CEP170B: variants seen among roughly 807,000 people sequenced by gnomAD.
CEP170B encodes centrosomal protein 170B.
In CEP170B, 55 loss-of-function variants were observed where a neutral mutation model predicts 120.6. That is an observed-to-expected ratio of 0.46 (90% CI 0.37 to 0.57). The LOEUF (loss-of-function observed/expected upper bound fraction) is 0.57, where lower values mean the gene tolerates loss of function less well. CEP170B is among the 20% of genes least tolerant of loss of function. The probability of loss-of-function intolerance (pLI) is 0.00; values close to 1 mark genes in which losing one functional copy is unlikely to be tolerated. For synonymous variants in CEP170B, 1,033 were observed against 954.5 expected (o/e 1.08, Z -1.52); for missense variants, 2,212 against 2,253.3 (o/e 0.98, Z 0.37).
chr14:104,878,843 C>G (rs973585560), intron 5 of CEP170B, among the ~76,000 whole-genome samples: 1 of 152,194 alleles, frequency 6.6e-6, no homozygotes, highest in Non-Finnish European at 1.5e-5. Context: ...CCTGGGCTTT[C>G]GGAGCTGCAT....
rs1897011293 is a variant in CEP170B, at chr14:104,894,881, C to T, written c.4588C>T (p.Pro1530Ser). ...LLPALPLRNF[P>S]QRASCGPPSL... ...GCCAGCCCTGCCCCTGAGGAATTTC[C>T]CACAGCGGGCCAGCTGTGGGCCTCC... Residue 1530 changes from proline (P) to serine (S), a missense_variant, in exon 19 of 19, where the codon CCA becomes TCA. Pro to Ser is a moderately conservative substitution (Grantham distance 74). Coordinates refer to ENST00000414716, the MANE Select transcript of CEP170B (RefSeq NM_001112726.3). 2 of 1,604,380 alleles carry T rather than the reference C, an allele frequency of 1.2e-6. No individual in the cohort carries two copies. The highest frequency in any genetic ancestry group is 1.7e-6 in the Non-Finnish European group (2 of 1,176,234).
In CEP170B at chr14:104,886,990, G is replaced by A. The variant is rs767495409; in HGVS notation, c.2751G>A (p.Thr917=). 84 of 1,609,296 alleles carry A rather than the reference G, an allele frequency of 5.2e-5. No individual in the cohort carries two copies. The highest frequency in any genetic ancestry group is 6.9e-5 in the Non-Finnish European group (81 of 1,179,836). The change falls in exon 12 of 19, where the codon ACG becomes ACA. Residue 917 remains threonine, a synonymous_variant. Coordinates refer to ENST00000414716, the MANE Select transcript of CEP170B (RefSeq NM_001112726.3). ...SQDTHLILKE[T]ETALAALEAR... is the part of the protein sequence containing the mutation. The stretch of plus-strand genomic sequence containing the variant: ...ACACCCACCTGATCTTGAAGGAGAC[G>A]GAGACGGCCCTGGCGGCCCTGGAGG...
intron 9 of CEP170B, among the ~76,000 whole-genome samples, chr14:104,885,041 G>C (rs1470578785): frequency 6.8e-6 from 1 of 146,560 alleles, no homozygotes; most frequent in Non-Finnish European, 1.5e-5. Flanking sequence ...GAGAGTACTC[G>C]TGGGGAACGG....
At chr14:104,872,172 T>C in intron 2 of CEP170B, among the ~76,000 whole-genome samples, 1 of 146,706 alleles carries the variant, frequency 6.8e-6, no homozygotes. Context: ...GCCGCGTGTG[T>C]GTGCGTGTGT....
At position 104,877,871 on chromosome 14, in the gene CEP170B, C is replaced by G; in HGVS notation, c.196-14C>G. 1 of 666,316 alleles carries G rather than the reference C, an allele frequency of 1.5e-6. No individual in the cohort carries two copies. Among genetic ancestry groups the G allele is most frequent in the Middle Eastern group, 3.9e-4 (1 of 2,562 alleles). 41.3% of individuals were successfully genotyped at this position (666,316 alleles called of 1,614,324 possible). Reference sequence around the variant, plus strand: ...GCAGCTCCCCCCCCCCCCCCGCCACCTGTTTTCCTGCAGACGTTTGTGAAT... The same window carrying G: ...GCAGCTCCCCCCCCCCCCCCGCCACGTGTTTTCCTGCAGACGTTTGTGAAT... On this transcript the variant is annotated splice_polypyrimidine_tract_variant and intron_variant, in intron 3 of 18. Transcript: ENST00000414716.
In CEP170B at chr14:104,886,286, G is replaced by C; in HGVS notation, c.2047G>C (p.Gly683Arg). The C allele has an allele frequency of 6.5e-7, 1 of 1,540,550 alleles. No homozygotes were observed. The highest frequency in any genetic ancestry group is 1.2e-5 in the South Asian group (1 of 81,496). The change falls in exon 12 of 19, where the codon GGA (glycine) becomes CGA (arginine). Residue 683 changes from glycine (G) to arginine (R), a missense_variant. Around this residue, in one of 2 missense-constraint regions of CEP170B, gnomAD observed 2,166 missense variants for 2,166.7 expected, o/e 1.00. Coordinates refer to ENST00000414716, the MANE Select transcript of CEP170B (RefSeq NM_001112726.3). ...TTTGTGCTCCACAGAGGATGGCCTGGGACGTAGAGGCGGGGAGCCGGAGGG... is the reference window on the plus strand; with the variant it reads ...TTTGTGCTCCACAGAGGATGGCCTGCGACGTAGAGGCGGGGAGCCGGAGGG... Reference protein sequence around the residue: ...SDPGLTEDGLGRRGGEPEGSL... With the variant: ...SDPGLTEDGLRRRGGEPEGSL...
At chr14:104,894,090 A>G in intron 16 of CEP170B, 195 bp from the exon 17 acceptor site, 2 of 652,346 alleles carry the variant, frequency 3.1e-6, no homozygotes, top group Non-Finnish European at 5.4e-6. Flanking sequence ...TCCCGGGCCC[A>G]GCCCTCCCCA....
At chr14:104,893,240 C>A in intron 14 of CEP170B, 105 bp downstream of exon 14, 1 of 1,312,444 alleles carries the variant, frequency 7.6e-7, no homozygotes, top group Non-Finnish European at 1.0e-6. Context: ...CCCTGCTGCA[C>A]ATCCCCACTT....
chr14:104,866,136 C>A (rs1308115263), intron 1 of CEP170B, among the ~76,000 whole-genome samples: 1 of 152,232 alleles, frequency 6.6e-6, no homozygotes, highest in African/African-American at 2.4e-5. Flanking sequence ...CAACGATGGC[C>A]AGCCCAGCCC....
In CEP170B at chr14:104,868,475, G is replaced by T; in HGVS notation, c.25G>T (p.Val9Leu). The change falls in exon 2 of 19, where the codon GTG (valine) becomes TTG (leucine). Residue 9 changes from valine (V) to leucine (L), a missense_variant. By Grantham distance (32) the Val-to-Leu change is conservative (BLOSUM62 1). Around this residue, in one of 2 missense-constraint regions of CEP170B, gnomAD observed 46 missense variants for 86.6 expected, o/e 0.53. Coordinates refer to ENST00000414716, the MANE Select transcript of CEP170B (RefSeq NM_001112726.3). This position sits in a 1 kb window ranked among gnomAD's most constrained non-coding sequence, Gnocchi z 5.9. ...GATGAGTGCCACGTCCTGGTTCCTG[G>T]TGAGCAGCAGCGGCGCCCGCCACCG... MSATSWFL[V>L]SSSGARHRLP... 2 of 1,549,212 alleles carry T rather than the reference G, an allele frequency of 1.3e-6. No individual in the cohort carries two copies. The highest frequency in any genetic ancestry group is 1.7e-6 in the Non-Finnish European group (2 of 1,146,920).
rs1037958596 is a variant in CEP170B at position 104,896,434 on chromosome 14, G to GC, written c.*1477dup. 44 of 386,312 alleles carry GC rather than the reference G, an allele frequency of 1.1e-4. No individual in the cohort carries two copies. The highest frequency in any genetic ancestry group is 6.3e-4 in the African/African-American group (30 of 47,520). 23.9% of individuals were successfully genotyped at this position (386,312 alleles called of 1,614,324 possible). On this transcript the variant is annotated 3_prime_UTR_variant, in exon 19 of 19. Transcript: ENST00000414716. ...GTCCACCGGGCTGCTGCCCACCCCT[G>GC]CATGCCCCAGTTGCCCACCCCGCCT...
At position 104,886,617 on chromosome 14, in the gene CEP170B, C is replaced by T. The variant is rs1896526258; in HGVS notation, c.2378C>T (p.Thr793Ile). ...TCACCAAGGGCCCCCGGGGAGCCAA[C>T]TCCCGCCTCTTTCTTCATTGGGGAC... ...RRSPRAPGEP[T>I]PASFFIGDQN... Residue 793 changes from threonine (T) to isoleucine (I), a missense_variant, in exon 12 of 19, where the codon ACT becomes ATT. Thr to Ile is a moderately conservative substitution (Grantham distance 89, BLOSUM62 -1). Coordinates refer to ENST00000414716, the MANE Select transcript of CEP170B (RefSeq NM_001112726.3). 6.6e-7 allele frequency: 1 copy of T among 1,521,928 alleles called. No individual in the cohort carries two copies. Among genetic ancestry groups the T allele is most frequent in the Non-Finnish European group, 8.8e-7 (1 of 1,137,718 alleles). 94.3% of individuals were successfully genotyped at this position (1,521,928 alleles called of 1,614,324 possible). A position where few individuals can be genotyped will look rare whatever the true frequency, so the allele number is the denominator to read the frequency against.
rs1039239308 is a variant in CEP170B at position 104,895,381 on chromosome 14, C to T, written c.*423C>T. ...ACCTGCCATAACCCTTTGTGCTGGC[C>T]TGCGGCCAGGCAGAGGAAGAGAGGT... is the stretch of plus-strand genomic sequence containing the variant. On this transcript the variant is annotated 3_prime_UTR_variant, in exon 19 of 19. Coordinates refer to ENST00000414716, the MANE Select transcript of CEP170B (RefSeq NM_001112726.3). 4 of 163,150 alleles carry T rather than the reference C, an allele frequency of 2.5e-5. No individual in the cohort carries two copies. Among genetic ancestry groups the T allele is most frequent in the African/African-American group, 4.8e-5 (2 of 41,938 alleles). 10.1% of individuals were successfully genotyped at this position (163,150 alleles called of 1,614,324 possible). A position where few individuals can be genotyped will look rare whatever the true frequency, so the allele number is the denominator to read the frequency against.
Position 104,886,903 on chromosome 14 carries a change from C to T in CEP170B, c.2664C>T (p.Ser888=). 6.2e-7 allele frequency: 1 copy of T among 1,610,294 alleles called. No homozygotes were observed. ...PAPGKPPHIS[S]HPLLQDLAAT... ...CCGGCAAGCCCCCCCACATCTCCAG[C>T]CACCCGCTTCTACAGGACCTGGCCG... The change falls in exon 12 of 19, where the codon AGC becomes AGT. Residue 888 remains serine, a synonymous_variant. Transcript: ENST00000414716.
chr14:104,883,055 C>A lies in CEP170B; in HGVS notation c.598C>A (p.Gln200Lys), dbSNP rs758034589. ...ACCAGAGCGCCCCAAGGGACCAGTG[C>A]AGCAGGACGGGGAGCTCCACGGCTT... Reference protein sequence around the residue: ...PYPERPKGPVQQDGELHGFRA... With the variant: ...PYPERPKGPVKQDGELHGFRA... The change falls in exon 8 of 19, where the codon CAG (glutamine) becomes AAG (lysine). Residue 200 changes from glutamine to lysine, a missense_variant. By Grantham distance (53) the Gln-to-Lys change is moderately conservative. Coordinates refer to ENST00000414716, the MANE Select transcript of CEP170B (RefSeq NM_001112726.3). The A allele has an allele frequency of 3.8e-5, 59 of 1,540,204 alleles. No homozygotes were observed. Among genetic ancestry groups the A allele is most frequent in the Non-Finnish European group, 4.9e-5 (56 of 1,145,912 alleles).
intron 13 of CEP170B, among the ~76,000 whole-genome samples, chr14:104,890,517 G>C (rs1223811240): frequency 7.0e-6 from 1 of 142,426 alleles, no homozygotes; most frequent in South Asian, 2.5e-4. Context: ...TGAGTGGGTG[G>C]GTAGATGGAT....
chr14:104,876,490 G>A, intron 3 of CEP170B, 145 bp downstream of exon 3: 2 of 664,198 alleles, frequency 3.0e-6, no homozygotes, highest in Non-Finnish European at 2.5e-6. Flanking sequence ...TCCTCCCCCA[G>A]CCATAGCCCC....
rs374193987 is a variant in CEP170B at position 104,883,146 on chromosome 14, C to T, written c.689C>T (p.Thr230Met). 1.7e-5 allele frequency: 28 copies of T among 1,607,072 alleles called. No homozygotes were observed. The highest frequency in any genetic ancestry group is 6.7e-5 in the African/African-American group (5 of 74,390). Residue 230 changes from threonine to methionine, a missense_variant, in exon 8 of 19, where the codon ACG becomes ATG. Coordinates refer to ENST00000414716, the MANE Select transcript of CEP170B (RefSeq NM_001112726.3). ...RREPSYFEIP[T>M]KETPQPSQPP... ...GAGCCCAGCTACTTCGAGATCCCCA[C>T]GAAGGAGACCCCGCAGCCGTCGCAG...
chr14:104,881,297 G>A (rs1896143554), intron 6 of CEP170B, among the ~76,000 whole-genome samples: 1 of 152,108 alleles, frequency 6.6e-6, no homozygotes, highest in Non-Finnish European at 1.5e-5. Flanking sequence ...GTCGGGGTGG[G>A]GTATCCAAGC....
Sources: allele counts gnomAD v4.1 joint callset (sites outside exome capture counted in the v4.1 genomes callset), GRCh38; gene constraint gnomAD v4.1.1; regional missense constraint gnomAD v4.1.1; non-coding constraint Gnocchi (gnomAD v3.1); transcripts MANE v1.5; gene names NCBI Gene and HGNC (gene_info 2026-07-23, HGNC 2026-07-21).